The following CROCC variants were observed in gnomAD, a reference collection of about 807,000 sequenced individuals.
The protein encoded by CROCC is rootletin.
A neutral mutation model predicts 245.2 loss-of-function variants in CROCC; 180 were observed. The observed-to-expected ratio is 0.73, with a 90% confidence interval of 0.65 to 0.83. CROCC has a LOEUF of 0.83. Ranked by LOEUF, CROCC falls within the 40% of genes least tolerant of loss-of-function variation. The pLI is 0.00. For synonymous variants in CROCC, 1,205 were observed against 1,241.6 expected, an observed-to-expected ratio of 0.97 and a Z score of 0.62; for missense variants, 2,688 against 2,779.4, an observed-to-expected ratio of 0.97 and a Z score of 0.74.
intron 8 of CROCC, among the ~76,000 whole-genome samples, chr1:16,933,668 C>T (rs1263508487): frequency 6.6e-6 from 1 of 152,234 alleles, no homozygotes; most frequent in Non-Finnish European, 1.5e-5. Context: ...CTGGGTTCAG[C>T]AATCCTATGG....
chr1:16,915,291 C>T (rs1054685878), intron 1 of CROCC, among the ~76,000 whole-genome samples: 5 of 152,286 alleles, frequency 3.3e-5, no homozygotes, highest in African/African-American at 1.2e-4. Context: ...ATTTAACATC[C>T]TATGTTATTA....
At chr1:16,938,512 C>G (rs753610611) in intron 11 of CROCC, 29 bp downstream of exon 11, 9 of 1,538,252 alleles carry the variant, frequency 5.9e-6, no homozygotes, top group African/African-American at 1.4e-5. Context: ...GGGAAGACAG[C>G]GCCCTGCCAG....
intron 17 of CROCC, among the ~76,000 whole-genome samples, chr1:16,947,215 G>A (rs1473755597): frequency 1.3e-5 from 2 of 152,284 alleles, no homozygotes; most frequent in African/African-American, 2.4e-5. Context: ...AGTGGCTCAC[G>A]CCTATAATCC....
At chr1:16,955,079 TG>T (rs2076227037) in intron 23 of CROCC, among the ~76,000 whole-genome samples, 1 of 151,872 alleles carries the variant, frequency 6.6e-6, no homozygotes, top group Admixed American at 6.6e-5. Context: ...GAGGGGTGAG[TG>T]GGGTCTCTGC....
At chr1:16,935,553 T>C (rs2075769845) in intron 8 of CROCC, among the ~76,000 whole-genome samples, 1 of 152,292 alleles carries the variant, frequency 6.6e-6, no homozygotes, top group African/African-American at 2.4e-5. Flanking sequence ...CCCGAGTAGC[T>C]GGGACTACAG....
At chr1:16,952,613 G>C (rs1286375417) in intron 20 of CROCC, among the ~76,000 whole-genome samples, 1 of 152,062 alleles carries the variant, frequency 6.6e-6, no homozygotes, top group African/African-American at 2.4e-5. Flanking sequence ...CTGCCTGCCC[G>C]CCTGTCCAGT....
rs2076217573 is a variant in CROCC at position 16,954,596 on chromosome 1, G to C, written c.3322-138G>C. 1.6e-6 allele frequency: 2 copies of C among 1,241,304 alleles called. No individual in the cohort carries two copies. Among genetic ancestry groups the C allele is most frequent in the Admixed American group, 2.8e-5 (1 of 36,272 alleles). The allele number at this position is 1,241,304 out of a possible 1,614,324, so 76.9% of individuals were successfully genotyped here. A position where few individuals can be genotyped will look rare whatever the true frequency, so the allele number is the denominator to read the frequency against. On this transcript the variant is annotated intron_variant, in intron 22 of 36. Transcript: ENST00000375541. This position sits in a 1 kb window ranked among gnomAD's most constrained non-coding sequence, Gnocchi z 4.4. ...CGGGCAGCACTCACTATGCATCCAG[G>C]GGTTGGCAGAGGGTCCGGCAGGCCA...
At position 16,938,924 on chromosome 1, in the gene CROCC, TC is replaced by T. The variant is rs1399167731; in HGVS notation, c.1391del (p.Ser464LeufsTer7). On this transcript the variant is annotated frameshift_variant, in exon 12 of 37. Transcript: ENST00000375541. LOFTEE classifies it high-confidence loss of function. ...CCACCCTCAGGCCGTCTTGTCAGAC[TC>T]TGAGAGCGGCGTCCAGCTGAGCGGC... ...RDLAQAVLSD[S>X]ESGVQLSGSE... is the part of the protein sequence containing the mutation. 1 of 1,602,344 alleles carries T rather than the reference TC, an allele frequency of 6.2e-7. No homozygotes were observed. The highest frequency in any genetic ancestry group is 1.3e-5 in the African/African-American group (1 of 74,154).
intron 27 of CROCC, among the ~76,000 whole-genome samples, chr1:16,965,067 C>T (rs1444708001): frequency 6.6e-6 from 1 of 151,604 alleles, no homozygotes; most frequent in East Asian, 1.9e-4. Context: ...CCGCCTGCCT[C>T]GGACCCCACA....
intron 20 of CROCC, among the ~76,000 whole-genome samples, chr1:16,951,581 C>T (rs2076160003): frequency 6.6e-6 from 1 of 152,228 alleles, no homozygotes; most frequent in Non-Finnish European, 1.5e-5. Flanking sequence ...ATTTCCCCAC[C>T]TGTAGAAATA....
upstream of CROCC, among the ~76,000 whole-genome samples, chr1:16,921,603 C>T (rs1420060649): frequency 1.3e-5 from 2 of 152,290 alleles, no homozygotes; most frequent in Non-Finnish European, 2.9e-5. Flanking sequence ...TCTGGCCTTT[C>T]CCGCCGCATG....
rs1359686222 is a variant in CROCC at position 16,936,713 on chromosome 1, G to A, written c.1033G>A (p.Gly345Ser). 1.9e-6 allele frequency: 3 copies of A among 1,606,952 alleles called. No individual in the cohort carries two copies. Among genetic ancestry groups the A allele is most frequent in the Non-Finnish European group, 2.5e-6 (3 of 1,177,502 alleles). Residue 345 changes from glycine (G) to serine (S), a missense_variant, in exon 9 of 37, where the codon GGC becomes AGC. Gly to Ser is a moderately conservative substitution (Grantham distance 56). Transcript: ENST00000375541. ...VQEAGLGLSTGLRLAESRAEA... is the reference protein window; with the variant it reads ...VQEAGLGLSTSLRLAESRAEA... Reference sequence around the variant, plus strand: ...GGAGGCGGGCCTGGGACTGAGCACGGGCCTACGGCTGGCAGAGAGCCGGGC... The same window carrying A: ...GGAGGCGGGCCTGGGACTGAGCACGAGCCTACGGCTGGCAGAGAGCCGGGC...
At position 16,931,311 on chromosome 1, in the gene CROCC, C is replaced by CAACG; in HGVS notation, c.872_875dup (p.His293ArgfsTer27). ...TCCAGTCCTTCAACGCCTACTTCAG[C>CAACG]AACGAGCACAGTCGCCTGCTCCTCC... On this transcript the variant is annotated frameshift_variant, in exon 8 of 37. Transcript: ENST00000375541. LOFTEE classifies it high-confidence loss of function. 6.2e-7 allele frequency: 1 copy of CAACG among 1,612,028 alleles called. No homozygotes were observed. Among genetic ancestry groups the CAACG allele is most frequent in the Middle Eastern group, 1.7e-4 (1 of 6,044 alleles).
chr1:16,923,599 T>G (rs1265515765), intron 2 of CROCC, among the ~76,000 whole-genome samples: 1 of 152,252 alleles, frequency 6.6e-6, no homozygotes, highest in Non-Finnish European at 1.5e-5. Flanking sequence ...CCCTAGCCTT[T>G]AAAGTTCCAT....
rs1331286072 is a variant in CROCC at position 16,951,059 on chromosome 1, G to A, written c.2943G>A (p.Gln981=). ...TGGTGCAGGCTGAGCGGGAGGCCCA[G>A]GCCTCTCTGCGGGAGCAGCGGGCAG... is the stretch of plus-strand genomic sequence containing the variant. ...QKLVQAEREA[Q]ASLREQRAAH... Residue 981 remains glutamine, a synonymous_variant, in exon 20 of 37, where the codon CAG becomes CAA. Coordinates refer to ENST00000375541, the MANE Select transcript of CROCC (RefSeq NM_014675.5). The A allele has an allele frequency of 1.2e-6, 2 of 1,605,952 alleles. No homozygotes were observed. Among genetic ancestry groups the A allele is most frequent in the African/African-American group, 1.3e-5 (1 of 74,670 alleles).
In CROCC at chr1:16,948,447, G is replaced by A. The variant is rs1469045291; in HGVS notation, c.2631G>A (p.Glu877=). The A allele has an allele frequency of 1.3e-6, 2 of 1,564,254 alleles. No homozygotes were observed. The highest frequency in any genetic ancestry group is 2.3e-5 in the East Asian group (1 of 42,870). ...GTGAGAAGGAGGCGCTAGCCAAGGAGCACGCTGGCCTGGCTGTGCAGCTGG... is the reference window on the plus strand; with the variant it reads ...GTGAGAAGGAGGCGCTAGCCAAGGAACACGCTGGCCTGGCTGTGCAGCTGG... ...AAREKEALAK[E]HAGLAVQLVA... Residue 877 remains glutamate, a synonymous_variant, in exon 18 of 37, where the codon GAG becomes GAA. Coordinates refer to ENST00000375541, the MANE Select transcript of CROCC (RefSeq NM_014675.5).
chr1:16,924,621 T>A (rs1199299709), intron 3 of CROCC, 142 bp downstream of exon 3: 12 of 1,063,410 alleles, frequency 1.1e-5, no homozygotes, highest in Non-Finnish European at 1.5e-5. Context: ...CTCTGCCACC[T>A]TGAGTGGCGT....
intron 15 of CROCC, among the ~76,000 whole-genome samples, chr1:16,945,906 TGA>T (rs1249087555): frequency 1.3e-5 from 2 of 152,284 alleles, no homozygotes; most frequent in East Asian, 3.8e-4. Context: ...TCCTGGGGTC[TGA>T]GAGTTGTGGC....
chr1:16,932,210 G>A (rs1410362315), intron 8 of CROCC, among the ~76,000 whole-genome samples: 2 of 152,268 alleles, frequency 1.3e-5, no homozygotes, highest in African/African-American at 2.4e-5. Context: ...TGAGGAGGCC[G>A]AGGCGGGTGG....
Sources: allele counts gnomAD v4.1 joint callset (sites outside exome capture counted in the v4.1 genomes callset), GRCh38; gene constraint gnomAD v4.1.1; non-coding constraint Gnocchi (gnomAD v3.1); transcripts MANE v1.5; gene names NCBI Gene and HGNC (gene_info 2026-07-23, HGNC 2026-07-21).